The following RBMS2 variants were observed in gnomAD, a reference collection of about 807,000 sequenced individuals.
The protein encoded by RBMS2 is RNA binding motif single stranded interacting protein 2.
Under a neutral mutation model 58.4 loss-of-function variants are expected in RBMS2, and 38 were observed. That is an observed-to-expected ratio of 0.65 (90% CI 0.50 to 0.85). The LOEUF is 0.85. Ranked by LOEUF, RBMS2 falls within the 40% of genes least tolerant of loss-of-function variation. The probability of loss-of-function intolerance (pLI) is 0.00; values close to 1 mark genes in which losing one functional copy is unlikely to be tolerated. For missense variants in RBMS2, 367 were observed against 503.7 expected, an observed-to-expected ratio of 0.73 and a Z score of 2.60; for synonymous variants, 151 against 180.7, an observed-to-expected ratio of 0.84 and a Z score of 1.32.
At chr12:56,530,561 T>C (rs1341081566) in intron 1 of RBMS2, among the ~76,000 whole-genome samples, 1 of 151,724 alleles carries the variant, frequency 6.6e-6, no homozygotes, top group African/African-American at 2.4e-5. Context: ...GGTCCCACTA[T>C]ATTGCCCTGG....
chr12:56,558,134 T>TCCTC (rs1237381572), intron 1 of RBMS2, among the ~76,000 whole-genome samples: 2 of 118,196 alleles, frequency 1.7e-5, no homozygotes, highest in African/African-American at 6.4e-5. Flanking sequence ...AAGCTCTGCC[T>TCCTC]CCTCCTGGGT....
At chr12:56,577,502 TCTCA>T (rs1335402973) in intron 5 of RBMS2, among the ~76,000 whole-genome samples, 1 of 148,074 alleles carries the variant, frequency 6.8e-6, no homozygotes. Context: ...TGAGACAGGG[TCTCA>T]CTCGGTTGTG....
At chr12:56,550,024 C>T (rs553240004) in intron 1 of RBMS2, among the ~76,000 whole-genome samples, 120 of 151,690 alleles carry the variant, frequency 7.9e-4, no homozygotes, top group Admixed American at 1.8e-3. Context: ...GAAACTCCGT[C>T]TCGCAAAAAA....
chr12:56,568,359 C>A (rs530224858), intron 2 of RBMS2, among the ~76,000 whole-genome samples: 7 of 152,122 alleles, frequency 4.6e-5, no homozygotes, highest in Non-Finnish European at 7.4e-5. Flanking sequence ...GTGGACATTG[C>A]CAAGCTTCTT....
intron 2 of RBMS2, among the ~76,000 whole-genome samples, chr12:56,565,604 G>A (rs1264560341): frequency 6.6e-6 from 1 of 152,192 alleles, no homozygotes; most frequent in Non-Finnish European, 1.5e-5. Context: ...AGGCAGGAGT[G>A]AGGCAGGAAT....
chr12:56,525,144 T>C (rs1198194406), intron 1 of RBMS2, among the ~76,000 whole-genome samples: 1 of 152,228 alleles, frequency 6.6e-6, no homozygotes, highest in Non-Finnish European at 1.5e-5. Flanking sequence ...TTACTGTGTT[T>C]CTGTTTTGGA....
chr12:56,562,242 TTTC>T (rs1405460609), intron 1 of RBMS2, among the ~76,000 whole-genome samples, 172 bp from the exon 2 acceptor site: 2 of 152,352 alleles, frequency 1.3e-5, no homozygotes, highest in East Asian at 1.9e-4. Flanking sequence ...GTGGTATTAA[TTTC>T]TTCTTCTCTG....
upstream of RBMS2, among the ~76,000 whole-genome samples, chr12:56,521,509 T>TG (rs1435885476): frequency 6.9e-6 from 1 of 145,928 alleles, no homozygotes; most frequent in African/African-American, 2.5e-5. Flanking sequence ...TCTGTTTTTT[T>TG]TTTTTTTTTT....
At chr12:56,568,919 T>A (rs1881829402) in intron 2 of RBMS2, 56 bp from the exon 3 acceptor site, 1 of 1,399,318 alleles carries the variant, frequency 7.1e-7, no homozygotes, top group African/African-American at 1.4e-5. Context: ...TGAATCTCTG[T>A]CCTATTCTTA....
chr12:56,571,653 G>A (rs762379300), intron 4 of RBMS2, 45 bp from the exon 5 acceptor site: 1 of 1,440,868 alleles, frequency 6.9e-7, no homozygotes, highest in East Asian at 2.6e-5. Flanking sequence ...GGGTGGGAGA[G>A]GGATAAGAGA....
chr12:56,583,002 T>C (rs1315537157), intron 9 of RBMS2, among the ~76,000 whole-genome samples: 1 of 152,190 alleles, frequency 6.6e-6, no homozygotes, highest in Non-Finnish European at 1.5e-5. Flanking sequence ...GCAGCTAATG[T>C]TGAGATCCTC....
intron 1 of RBMS2, among the ~76,000 whole-genome samples, chr12:56,552,567 C>T (rs1338033243): frequency 1.3e-5 from 2 of 152,094 alleles, no homozygotes; most frequent in African/African-American, 4.8e-5. Flanking sequence ...GATATAAAAT[C>T]CTTAGCACAG....
intron 1 of RBMS2, among the ~76,000 whole-genome samples, chr12:56,525,128 T>C (rs1454843337): frequency 2.0e-5 from 3 of 152,204 alleles, no homozygotes; most frequent in East Asian, 1.9e-4. Flanking sequence ...TCTTGTCAAG[T>C]AGGGCTTACT....
rs1366668075 is a variant in RBMS2, at chr12:56,587,924, G to C, written c.1062+260G>C. Among the ~76,000 whole-genome samples, 2 of 152,136 alleles carry C rather than the reference G, an allele frequency of 1.3e-5. 1 individual carries two copies. The highest frequency in any genetic ancestry group is 1.3e-4 in the Admixed American group (2 of 15,270). On this transcript the variant is annotated intron_variant, in intron 11 of 13. Coordinates refer to ENST00000262031, the MANE Select transcript of RBMS2 (RefSeq NM_002898.4). ...TGCTTCTGTCTGCATATTAGTTTAA[G>C]ATACACACACGTCCTAGGAATCCTC...
At chr12:56,563,685 C>T (rs1279456020) in intron 2 of RBMS2, among the ~76,000 whole-genome samples, 3 of 152,076 alleles carry the variant, frequency 2.0e-5, no homozygotes, top group Non-Finnish European at 2.9e-5. Flanking sequence ...CACCTGTAAT[C>T]CTAGCACCTT....
rs1390507245 is a variant in RBMS2, at chr12:56,591,853, A to C, written c.*2720A>C. ...GAATTTACCTTTTGGAGTTCTTCTC[A>C]TGTGAATCTACTTGTTAGATTGTAT... On this transcript the variant is annotated 3_prime_UTR_variant, in exon 14 of 14. Coordinates refer to ENST00000262031, the MANE Select transcript of RBMS2 (RefSeq NM_002898.4). The C allele has an allele frequency of 6.6e-6, 1 of 151,954 alleles. No individual in the cohort carries two copies. The highest frequency in any genetic ancestry group is 1.5e-5 in the Non-Finnish European group (1 of 67,994). 9.4% of individuals were successfully genotyped at this position (151,954 alleles called of 1,614,324 possible).
chr12:56,591,150 G>A lies in RBMS2; in HGVS notation c.*2017G>A, dbSNP rs978386830. 2 of 152,148 alleles carry A rather than the reference G, an allele frequency of 1.3e-5. No individual in the cohort carries two copies. The highest frequency in any genetic ancestry group is 2.9e-5 in the Non-Finnish European group (2 of 68,044). 9.4% of individuals were successfully genotyped at this position (152,148 alleles called of 1,614,324 possible). The stretch of plus-strand genomic sequence containing the variant: ...GAATTTGACTCCCTTGCACTTCAAG[G>A]CCAGGTGCCTCTCCACTAGACAGTC... On this transcript the variant is annotated 3_prime_UTR_variant, in exon 14 of 14. Coordinates refer to ENST00000262031, the MANE Select transcript of RBMS2 (RefSeq NM_002898.4).
chr12:56,555,466 A>C (rs1167946565), intron 1 of RBMS2, among the ~76,000 whole-genome samples: 6 of 151,260 alleles, frequency 4.0e-5, no homozygotes, highest in Middle Eastern at 3.2e-3. Flanking sequence ...AGGAAGAAGA[A>C]GACCTTGGCC....
At chr12:56,521,690 C>G (rs1384518608), upstream of RBMS2, among the ~76,000 whole-genome samples, 1 of 151,518 alleles carries the variant, frequency 6.6e-6, no homozygotes, top group African/African-American at 2.4e-5. Flanking sequence ...CCTAAGAACT[C>G]TTCTTTCTAG....
Sources: allele counts gnomAD v4.1 joint callset (sites outside exome capture counted in the v4.1 genomes callset), GRCh38; gene constraint gnomAD v4.1.1; transcripts MANE v1.5; gene names NCBI Gene and HGNC (gene_info 2026-07-23, HGNC 2026-07-21).